Variants in DNAJB1 observed in about 807,000 individuals in gnomAD.
The protein encoded by DNAJB1 is DnaJ heat shock protein family (Hsp40) member B1, also known as dnaJ homolog subfamily B member 1.
DNAJB1 carries 14 observed loss-of-function variants against 24.0 expected under a neutral mutation model. The ratio of observed to expected loss-of-function variants is 0.58; its 90% confidence interval spans 0.39 to 0.91. DNAJB1 has a LOEUF of 0.91. Ranked by LOEUF, DNAJB1 falls within the 40% of genes least tolerant of loss-of-function variation. The pLI is 0.00. For missense variants in DNAJB1, 517 were observed against 458.1 expected (o/e 1.13, Z -1.17); for synonymous variants, 262 against 174.4 (o/e 1.50, Z -3.96).
chr19:14,533,307 G>GT (rs1189912387), upstream of DNAJB1, among the ~76,000 whole-genome samples: 1 of 151,124 alleles, frequency 6.6e-6, no homozygotes, highest in African/African-American at 2.4e-5. Flanking sequence ...GAAATCCCAG[G>GT]TACTTGGGAG....
upstream of DNAJB1, among the ~76,000 whole-genome samples, chr19:14,521,195 A>C (rs1193522541): frequency 1.3e-5 from 2 of 152,148 alleles, no homozygotes; most frequent in Admixed American, 1.3e-4. Flanking sequence ...CGGTGACTCA[A>C]CGCCTATAAT....
chr19:14,529,507 G>A (rs1309923290), upstream of DNAJB1: 1 of 757,796 alleles, frequency 1.3e-6, no homozygotes, highest in African/African-American at 1.7e-5. Flanking sequence ...CCGGCCCCAA[G>A]GAGCAGGGGC....
chr19:14,555,186 CT>C (rs936762509), upstream of DNAJB1, among the ~76,000 whole-genome samples: 13 of 151,824 alleles, frequency 8.6e-5, no homozygotes, highest in Admixed American at 4.6e-4. Flanking sequence ...TTAAGCGATC[CT>C]TCTGTCACAG....
At chr19:14,541,789 T>TC (rs1304400018) in intron 1 of DNAJB1, among the ~76,000 whole-genome samples, 1 of 151,858 alleles carries the variant, frequency 6.6e-6, no homozygotes, top group African/African-American at 2.4e-5. Flanking sequence ...TTTCATTTTT[T>TC]TTTTTTTTTT....
chr19:14,544,862 G>A (rs2054475268), intron 1 of DNAJB1, among the ~76,000 whole-genome samples: 1 of 151,990 alleles, frequency 6.6e-6, no homozygotes, highest in African/African-American at 2.4e-5. Context: ...TGAACTCATG[G>A]GCTCCAGTGA....
upstream of DNAJB1, among the ~76,000 whole-genome samples, chr19:14,554,122 G>A (rs2073636832): frequency 6.6e-6 from 1 of 152,166 alleles, no homozygotes; most frequent in African/African-American, 2.4e-5. Flanking sequence ...CAACATGCAC[G>A]CGTGGTCTTC....
intron 1 of DNAJB1, 97 bp from the exon 2 acceptor site, chr19:14,517,143 G>A (rs759494456): frequency 1.5e-6 from 2 of 1,312,452 alleles, no homozygotes; most frequent in South Asian, 2.9e-5. Context: ...CATGGGGGAG[G>A]AACTTTTTTG....
At chr19:14,540,510 G>A (rs1164985610) in intron 1 of DNAJB1, among the ~76,000 whole-genome samples, 1 of 152,088 alleles carries the variant, frequency 6.6e-6, no homozygotes, top group East Asian at 1.9e-4. Flanking sequence ...TCCTGCCTCA[G>A]CCTCCCGAGT....
chr19:14,539,589 C>T (rs1413011618), intron 1 of DNAJB1, among the ~76,000 whole-genome samples: 1 of 152,110 alleles, frequency 6.6e-6, no homozygotes, highest in Non-Finnish European at 1.5e-5. Flanking sequence ...AACCTTCCCT[C>T]AGAGGCTTGT....
upstream of DNAJB1, chr19:14,518,419 CTA>C: frequency 3.9e-6 from 5 of 1,281,076 alleles, no homozygotes; most frequent in Non-Finnish European, 5.1e-6. Flanking sequence ...GTCCCGGACT[CTA>C]TATACCCGTC....
chr19:14,522,225 G>A (rs1231244048), upstream of DNAJB1, among the ~76,000 whole-genome samples: 2 of 152,044 alleles, frequency 1.3e-5, no homozygotes, highest in African/African-American at 4.8e-5. Flanking sequence ...ATGCGGTTAG[G>A]TTAGCACGTC....
At chr19:14,529,042 T>C (rs1210411178) in intron 1 of DNAJB1, 1 of 156,428 alleles carries the variant, frequency 6.4e-6, no homozygotes, top group East Asian at 1.9e-4. Context: ...TCTTGCAGGT[T>C]GGGGGTTCCC....
At chr19:14,552,621 G>A (rs955520080), upstream of DNAJB1, among the ~76,000 whole-genome samples, 16 of 151,566 alleles carry the variant, frequency 1.1e-4, no homozygotes, top group Admixed American at 2.0e-4. Flanking sequence ...TGCAAGCTCC[G>A]CCTCCCGGGT....
At chr19:14,557,157 T>TTTATTTATTTA (rs1280344884) in intron 1 of DNAJB1, among the ~76,000 whole-genome samples, 3 of 39,894 alleles carry the variant, frequency 7.5e-5, no homozygotes, top group South Asian at 1.5e-3. Context: ...TTATTTATTT[T>TTTATTTATTTA]GAGACAGGGT....
chr19:14,546,481 C>G (rs893998120), intron 1 of DNAJB1, among the ~76,000 whole-genome samples: 1 of 149,306 alleles, frequency 6.7e-6, no homozygotes, highest in Non-Finnish European at 1.5e-5. Flanking sequence ...TGGCTACTTG[C>G]GAGGCTGAGG....
At chr19:14,553,008 G>C (rs1263074458), upstream of DNAJB1, among the ~76,000 whole-genome samples, 2 of 152,066 alleles carry the variant, frequency 1.3e-5, no homozygotes, top group African/African-American at 2.4e-5. Context: ...GCAGGGATGG[G>C]TGTAGGCTGT....
intron 1 of DNAJB1, among the ~76,000 whole-genome samples, chr19:14,559,280 C>G (rs937306153): frequency 1.3e-5 from 2 of 152,062 alleles, no homozygotes; most frequent in Non-Finnish European, 2.9e-5. Flanking sequence ...CTGTCTCGTC[C>G]CAGAACATTT....
upstream of DNAJB1, chr19:14,529,721 G>A (rs776469956): frequency 6.2e-6 from 10 of 1,613,970 alleles, no homozygotes; most frequent in African/African-American, 1.2e-4. Flanking sequence ...GGTAAGAAGC[G>A]AGAAACAGGG....
chr19:14,518,483 CCGCCCCCGCGGCGCCGGCCAAT>C (rs1210764608), upstream of DNAJB1: 19 of 661,262 alleles, frequency 2.9e-5, no homozygotes, highest in South Asian at 5.1e-4. Context: ...TCCGCCCCGC[CCGCCCCCGCGGCGCCGGCCAAT>C]CGCCGCCGCC....
Sources: allele counts gnomAD v4.1 joint callset (sites outside exome capture counted in the v4.1 genomes callset), GRCh38; gene constraint gnomAD v4.1.1; transcripts MANE v1.5; gene names NCBI Gene and HGNC (gene_info 2026-07-23, HGNC 2026-07-21).